Variants in KIF13A observed in about 807,000 individuals in gnomAD.
KIF13A encodes the protein kinesin family member 13A, also known as kinesin-like protein KIF13A.
Under a neutral mutation model 212.2 loss-of-function variants are expected in KIF13A, and 79 were observed. That is an observed-to-expected ratio of 0.37 (90% CI 0.31 to 0.45). The LOEUF is 0.45. Among genes scored for constraint, KIF13A ranks in the 20% least tolerant of loss-of-function variants. The pLI is 1.00. For synonymous variants in KIF13A, 789 were observed against 808.6 expected (o/e 0.98, Z 0.41); for missense variants, 1,901 against 2,209.0 (o/e 0.86, Z 2.79).
Position 17,771,046 on chromosome 6 carries a change from A to C in KIF13A, c.4581+68T>G. ...TGTCTTAATTTCTTCTAGCATTTGG[A>C]TGATTGTCTGTGAAAGGGCCTTAAA... On this transcript the variant is annotated intron_variant, in intron 38 of 38. Coordinates refer to ENST00000259711, the MANE Select transcript of KIF13A (RefSeq NM_022113.6). This position sits in a 1 kb window ranked among gnomAD's most constrained non-coding sequence, Gnocchi z 5.4. 1 of 980,922 alleles carries C rather than the reference A, an allele frequency of 1.0e-6. No individual in the cohort carries two copies. The highest frequency in any genetic ancestry group is 1.4e-5 in the South Asian group (1 of 71,050). 60.8% of individuals were successfully genotyped at this position (980,922 alleles called of 1,614,324 possible).
At chr6:17,962,696 T>C (rs1039497212) in intron 2 of KIF13A, among the ~76,000 whole-genome samples, 2 of 152,194 alleles carry the variant, frequency 1.3e-5, no homozygotes, top group Admixed American at 6.5e-5. Context: ...AGAGTACTTC[T>C]GTTATATCTA....
chr6:17,846,895 C>T (rs527371924), intron 9 of KIF13A, among the ~76,000 whole-genome samples: 8 of 152,256 alleles, frequency 5.3e-5, no homozygotes, highest in East Asian at 3.9e-4. Context: ...AGCCTGGGCT[C>T]GGAGACCAAT....
At position 17,763,956 on chromosome 6, in the gene KIF13A, CA is replaced by C; in HGVS notation, c.*153del. 2.1e-6 allele frequency: 3 copies of C among 1,443,230 alleles called. No homozygotes were observed. The highest frequency in any genetic ancestry group is 1.8e-6 in the Non-Finnish European group (2 of 1,100,794). The allele number at this position is 1,443,230 out of a possible 1,614,324, so 89.4% of individuals were successfully genotyped here. On this transcript the variant is annotated 3_prime_UTR_variant, in exon 39 of 39. Coordinates refer to ENST00000259711, the MANE Select transcript of KIF13A (RefSeq NM_022113.6). ...AATTTCACAATTGCGTTCTAGTTCC[CA>C]AAACAGACTTGCTCTCCGACAGAGA...
At chr6:17,821,588 T>TGTGTGTG (rs11270201) in intron 16 of KIF13A, among the ~76,000 whole-genome samples, 23 of 146,272 alleles carry the variant, frequency 1.6e-4, no homozygotes, top group South Asian at 8.8e-4. Context: ...TGTGTGTGTG[T>TGTGTGTG]TGGGGGTGGG....
Position 17,850,143 on chromosome 6 carries a change from A to AATAT in KIF13A, c.717+179_717+180insATAT, listed in dbSNP as rs1767493691. 6.6e-6 allele frequency among the ~76,000 whole-genome samples: 1 copy of AATAT among 152,208 alleles called. No individual in the cohort carries two copies. The highest frequency in any genetic ancestry group is 2.4e-5 in the African/African-American group (1 of 41,450). ...CACCAGGCCAAAATCCAATTTTTTAAAAAGTCAAATATAAAGAAAGACCTA... is the reference window on the plus strand; with the variant it reads ...CACCAGGCCAAAATCCAATTTTTTAAATATAAAGTCAAATATAAAGAAAGACCTA... On this transcript the variant is annotated intron_variant, in intron 8 of 38. Transcript: ENST00000259711. This position sits in a 1 kb window ranked among gnomAD's most constrained non-coding sequence, Gnocchi z 6.2.
At chr6:17,778,920 C>A in intron 33 of KIF13A, 27 bp downstream of exon 33, 1 of 1,555,884 alleles carries the variant, frequency 6.4e-7, no homozygotes, top group Non-Finnish European at 8.7e-7. Flanking sequence ...GTGCTTTCAT[C>A]CTCGGTCCAG....
At chr6:17,848,590 G>T (rs1439197576) in intron 9 of KIF13A, among the ~76,000 whole-genome samples, 1 of 110,968 alleles carries the variant, frequency 9.0e-6, no homozygotes, top group Non-Finnish European at 1.7e-5. Flanking sequence ...TTTTGAGACA[G>T]AGTCTCGCTC....
At chr6:17,973,215 C>T (rs1779974301) in intron 2 of KIF13A, among the ~76,000 whole-genome samples, 1 of 152,178 alleles carries the variant, frequency 6.6e-6, no homozygotes, top group Admixed American at 6.5e-5. Context: ...AGCTGTATAC[C>T]TTTAAGAACA....
Position 17,898,135 on chromosome 6 carries a change from A to G in KIF13A, c.159+33T>C. 6.2e-7 allele frequency: 1 copy of G among 1,608,550 alleles called. No individual in the cohort carries two copies. The highest frequency in any genetic ancestry group is 1.1e-5 in the South Asian group (1 of 90,552). ...ATCCTGGATTTTTGCACACTAAGCCAGTATACATGCCAAATTTCATATTAG... is the reference window on the plus strand; with the variant it reads ...ATCCTGGATTTTTGCACACTAAGCCGGTATACATGCCAAATTTCATATTAG... On this transcript the variant is annotated intron_variant, in intron 3 of 38. Coordinates refer to ENST00000259711, the MANE Select transcript of KIF13A (RefSeq NM_022113.6). This position sits in a 1 kb window ranked among gnomAD's most constrained non-coding sequence, Gnocchi z 5.2.
chr6:17,850,572 T>C lies in KIF13A; in HGVS notation c.583-115A>G, dbSNP rs1271202248. On this transcript the variant is annotated intron_variant, in intron 7 of 38. Transcript: ENST00000259711. This position sits in a 1 kb window ranked among gnomAD's most constrained non-coding sequence, Gnocchi z 6.2. ...TGATGCCTTTGTCACCACCCTTCCA[T>C]AGAAACCTCCCTGCCGCTCCTCCAT... The C allele has an allele frequency of 1.9e-6, 2 of 1,033,370 alleles. No individual in the cohort carries two copies. The highest frequency in any genetic ancestry group is 1.6e-5 in the African/African-American group (1 of 61,976). The allele number at this position is 1,033,370 out of a possible 1,614,324, so 64.0% of individuals were successfully genotyped here.
intron 2 of KIF13A, among the ~76,000 whole-genome samples, chr6:17,911,979 G>GGA (rs1478178008): frequency 1.3e-5 from 2 of 152,084 alleles, no homozygotes; most frequent in Non-Finnish European, 2.9e-5. Flanking sequence ...TGCGCAGGTG[G>GGA]TCTTGAACTC....
At position 17,855,006 on chromosome 6, in the gene KIF13A, T is replaced by C. The variant is rs996002252; in HGVS notation, c.494+431A>G. 6.6e-6 allele frequency among the ~76,000 whole-genome samples: 1 copy of C among 152,188 alleles called. No individual in the cohort carries two copies. Among genetic ancestry groups the C allele is most frequent in the African/African-American group, 2.4e-5 (1 of 41,452 alleles). On this transcript the variant is annotated intron_variant, in intron 6 of 38. Coordinates refer to ENST00000259711, the MANE Select transcript of KIF13A (RefSeq NM_022113.6). This position sits in a 1 kb window ranked among gnomAD's most constrained non-coding sequence, Gnocchi z 4.1. ...TCTCTATGGGTGGACATCAGGCAAG[T>C]GGATGCTTAAAACGTTCCCCACATG...
chr6:17,877,062 C>A (rs1770627266), intron 3 of KIF13A, among the ~76,000 whole-genome samples: 1 of 133,624 alleles, frequency 7.5e-6, no homozygotes, highest in Non-Finnish European at 1.5e-5. Flanking sequence ...TACTTAATGG[C>A]ATTAAGATCT....
chr6:17,938,404 G>C (rs904056803), intron 2 of KIF13A, among the ~76,000 whole-genome samples: 8 of 152,196 alleles, frequency 5.3e-5, no homozygotes, highest in Non-Finnish European at 1.0e-4. Flanking sequence ...CTGGAGGTTG[G>C]AGGGTGGAGA....
intron 3 of KIF13A, among the ~76,000 whole-genome samples, chr6:17,882,424 T>C (rs558132983): frequency 1.3e-5 from 2 of 152,326 alleles, no homozygotes; most frequent in South Asian, 2.1e-4. Flanking sequence ...AAGTGATTAA[T>C]ATTTATTATG....
In KIF13A at chr6:17,837,676, C is replaced by T. The variant is rs908751683; in HGVS notation, c.831-93G>A. The T allele has an allele frequency of 1.5e-5, 13 of 865,736 alleles. No homozygotes were observed. The highest frequency in any genetic ancestry group is 1.2e-4 in the African/African-American group (7 of 59,154). 53.6% of individuals were successfully genotyped at this position (865,736 alleles called of 1,614,324 possible). A position where few individuals can be genotyped will look rare whatever the true frequency, so the allele number is the denominator to read the frequency against. On this transcript the variant is annotated intron_variant, in intron 9 of 38. Transcript: ENST00000259711. This position sits in a 1 kb window ranked among gnomAD's most constrained non-coding sequence, Gnocchi z 5.4. ...ACAATAAAGCTCCACAGTTAATACA[C>T]GTTGGTGGCTCACGCCCGTAATCCC...
intron 2 of KIF13A, among the ~76,000 whole-genome samples, chr6:17,907,121 T>G (rs1436949203): frequency 6.6e-6 from 1 of 152,244 alleles, no homozygotes; most frequent in Admixed American, 6.5e-5. Context: ...CAGATAGGTT[T>G]CTGTTACTAT....
chr6:17,833,529 G>C (rs1340120461), intron 12 of KIF13A, among the ~76,000 whole-genome samples: 2 of 145,140 alleles, frequency 1.4e-5, no homozygotes, highest in Non-Finnish European at 3.0e-5. Flanking sequence ...AGTGATCTTT[G>C]CAATCTCTGG....
At chr6:17,830,597 T>C (rs1053520738) in intron 13 of KIF13A, among the ~76,000 whole-genome samples, 1 of 152,218 alleles carries the variant, frequency 6.6e-6, no homozygotes, top group African/African-American at 2.4e-5. Flanking sequence ...AGGGTGATTA[T>C]GGGACCAAAA....
Sources: gnomAD v4.1 joint callset for allele counts (sites outside exome capture counted in the v4.1 genomes callset) on GRCh38, gnomAD v4.1.1 for gene constraint, Gnocchi (gnomAD v3.1) non-coding constraint, MANE v1.5 for transcripts, NCBI Gene and HGNC (gene_info 2026-07-23, HGNC 2026-07-21) for gene names.